The following EXOC2 variants were observed in gnomAD, a reference collection of about 807,000 sequenced individuals.
EXOC2 encodes the protein SEC5-like 1.
A neutral mutation model predicts 131.8 loss-of-function variants in EXOC2; 70 were observed. That is an observed-to-expected ratio of 0.53 (90% CI 0.44 to 0.65). EXOC2 has a LOEUF of 0.65. Among genes scored for constraint, EXOC2 ranks in the 30% least tolerant of loss-of-function variants. The pLI is 0.00. For missense variants in EXOC2, 923 were observed against 1,108.6 expected (o/e 0.83, Z 2.38); for synonymous variants, 411 against 398.4 (o/e 1.03, Z -0.38).
At chr6:675,221 C>A (rs538986105) in intron 1 of EXOC2, among the ~76,000 whole-genome samples, 1 of 152,322 alleles carries the variant, frequency 6.6e-6, no homozygotes, top group Admixed American at 6.5e-5. Context: ...TTCAACCTTT[C>A]TGAGCCACTG....
rs113509004 is a variant in EXOC2, at chr6:616,250, A to T, written c.661+1461T>A. Among the ~76,000 whole-genome samples the T allele has an allele frequency of 3.8e-3, 574 of 152,354 alleles. 3 individuals carry two copies. Among genetic ancestry groups the T allele is most frequent in the African/African-American group, 0.013 (551 of 41,570 alleles). On this transcript the variant is annotated intron_variant, in intron 6 of 27. Coordinates refer to ENST00000230449, the MANE Select transcript of EXOC2 (RefSeq NM_018303.6). ...CAAGAAACATAAGGCACACATATTT[A>T]TCAGGAAGAGCACCTACCTTCTCTG...
intron 1 of EXOC2, among the ~76,000 whole-genome samples, chr6:653,865 TG>T (rs1762939231): frequency 6.6e-6 from 1 of 152,198 alleles, no homozygotes; most frequent in South Asian, 2.1e-4. Context: ...TTGACTCTGT[TG>T]TTAGGGGCTA....
intron 4 of EXOC2, among the ~76,000 whole-genome samples, chr6:625,518 C>CTTTTTTTTTTTT (rs796295514): frequency 9.3e-6 from 1 of 108,056 alleles, no homozygotes; most frequent in Non-Finnish European, 1.9e-5. Flanking sequence ...TGTTTCCGTT[C>CTTTTTTTTTTTT]TTTTTTTTTT....
chr6:504,632 A>C (rs1179418468), intron 23 of EXOC2, among the ~76,000 whole-genome samples: 1 of 152,172 alleles, frequency 6.6e-6, no homozygotes, highest in Non-Finnish European at 1.5e-5. Flanking sequence ...CTAACCCTAC[A>C]CCAATCGTAT....
At chr6:629,392 A>G (rs1163011148) in intron 4 of EXOC2, among the ~76,000 whole-genome samples, 1 of 152,248 alleles carries the variant, frequency 6.6e-6, no homozygotes, top group Non-Finnish European at 1.5e-5. Context: ...TCTGATGATT[A>G]AAGTTAAATA....
At chr6:692,430 C>G (rs1372533399) in intron 1 of EXOC2, among the ~76,000 whole-genome samples, 2 of 152,262 alleles carry the variant, frequency 1.3e-5, no homozygotes, top group African/African-American at 4.8e-5. Context: ...GCAGCTACAA[C>G]AGGACCTCAG....
intron 22 of EXOC2, among the ~76,000 whole-genome samples, chr6:536,848 G>A (rs1243359304): frequency 6.6e-6 from 1 of 152,052 alleles, no homozygotes; most frequent in African/African-American, 2.4e-5. Flanking sequence ...AAACAATTCT[G>A]TTCAAAAGAT....
At chr6:686,651 C>T (rs1412172687) in intron 1 of EXOC2, among the ~76,000 whole-genome samples, 1 of 152,186 alleles carries the variant, frequency 6.6e-6, no homozygotes, top group East Asian at 1.9e-4. Flanking sequence ...ATAAAACAAG[C>T]ACTGGATTCT....
At chr6:511,770 G>C (rs754151339) in intron 23 of EXOC2, among the ~76,000 whole-genome samples, 4 of 152,236 alleles carry the variant, frequency 2.6e-5, no homozygotes, top group Admixed American at 1.3e-4. Flanking sequence ...TCGTTTCATA[G>C]ACTTGTTTCT....
rs1414924559 is a variant in EXOC2 at position 486,726 on chromosome 6, A to C, written c.2720T>G (p.Met907Arg). 4.3e-6 allele frequency: 7 copies of C among 1,614,210 alleles called. No homozygotes were observed. Among genetic ancestry groups the C allele is most frequent in the Non-Finnish European group, 5.9e-6 (7 of 1,180,026 alleles). ...TTGGAAACAGGTGAGCTGCAAGTGC[A>C]TGCTACTCTTGAACTTGTTCAGGAG... Reference protein sequence around the residue: ...EELLNKFKSSMHLQLTCFQAA... With the variant: ...EELLNKFKSSRHLQLTCFQAA... The change falls in exon 28 of 28, where the codon ATG becomes AGG. Residue 907 changes from methionine to arginine, a missense_variant. By Grantham distance (91) the Met-to-Arg change is moderately conservative. Coordinates refer to ENST00000230449, the MANE Select transcript of EXOC2 (RefSeq NM_018303.6).
chr6:691,721 G>A (rs1764935294), intron 1 of EXOC2, among the ~76,000 whole-genome samples: 1 of 152,170 alleles, frequency 6.6e-6, no homozygotes, highest in Non-Finnish European at 1.5e-5. Flanking sequence ...TGTTGTTCAA[G>A]GGTCAACTGT....
intron 13 of EXOC2, among the ~76,000 whole-genome samples, chr6:566,259 G>C (rs984650890): frequency 1.3e-5 from 2 of 152,176 alleles, no homozygotes; most frequent in African/African-American, 4.8e-5. Context: ...CAAATGAGAA[G>C]GAACTGAAGT....
chr6:672,441 G>A (rs746221876), intron 1 of EXOC2, among the ~76,000 whole-genome samples: 1 of 152,184 alleles, frequency 6.6e-6, no homozygotes, highest in Non-Finnish European at 1.5e-5. Flanking sequence ...TGCTTGCTCT[G>A]TTTCTTCAAA....
chr6:656,105 T>C (rs750072582), intron 1 of EXOC2: 7 of 1,588,228 alleles, frequency 4.4e-6, no homozygotes, highest in African/African-American at 1.3e-5. Context: ...GCTGGCTGAA[T>C]TTTTACAAGG....
chr6:673,571 G>A (rs1763973666), intron 1 of EXOC2, among the ~76,000 whole-genome samples: 1 of 152,114 alleles, frequency 6.6e-6, no homozygotes, highest in South Asian at 2.1e-4. Context: ...CAGATTTTGA[G>A]ATCTATGTTT....
chr6:673,545 A>C (rs1463510240), intron 1 of EXOC2, among the ~76,000 whole-genome samples: 1 of 152,152 alleles, frequency 6.6e-6, no homozygotes, highest in Non-Finnish European at 1.5e-5. Flanking sequence ...GAGGAGCGAA[A>C]ACGTTTCTAA....
intron 23 of EXOC2, among the ~76,000 whole-genome samples, chr6:529,824 G>A (rs1765970641): frequency 6.6e-6 from 1 of 152,190 alleles, no homozygotes; most frequent in South Asian, 2.1e-4. Context: ...TTGCTGATGT[G>A]TTAGATGTGT....
chr6:551,074 G>T (rs1757116684), intron 21 of EXOC2, among the ~76,000 whole-genome samples: 3 of 152,226 alleles, frequency 2.0e-5, no homozygotes, highest in African/African-American at 7.2e-5. Context: ...GAACAGCACA[G>T]ACTCTGGACC....
chr6:497,592 A>G, intron 24 of EXOC2, 103 bp from the exon 25 acceptor site: 2 of 1,440,454 alleles, frequency 1.4e-6, no homozygotes, highest in South Asian at 3.3e-5. Flanking sequence ...AATCAACAGG[A>G]CTTCTAAGTC....
Sources: gnomAD v4.1 joint callset for allele counts (sites outside exome capture counted in the v4.1 genomes callset) on GRCh38, gnomAD v4.1.1 for gene constraint, MANE v1.5 for transcripts, NCBI Gene and HGNC (gene_info 2026-07-23, HGNC 2026-07-21) for gene names.